KCNN2: variants seen among roughly 807,000 people sequenced by gnomAD.
KCNN2 encodes potassium calcium-activated channel subfamily N member 2.
KCNN2 carries 24 observed loss-of-function variants against 55.5 expected under a neutral mutation model. The ratio of observed to expected loss-of-function variants is 0.43; its 90% CI spans 0.31 to 0.61. The LOEUF (loss-of-function observed/expected upper bound fraction) is 0.61, where lower values mean the gene tolerates loss of function less well. Among genes scored for constraint, KCNN2 ranks in the 20% least tolerant of loss-of-function variants. The pLI is 0.08. For synonymous variants in KCNN2, 431 were observed against 336.1 expected (o/e 1.28, Z -3.09); for missense variants, 754 against 853.6 (o/e 0.88, Z 1.45).
At chr5:114,064,491 C>G (rs1231252112) in intron 1 of KCNN2, among the ~76,000 whole-genome samples, 11 of 152,182 alleles carry the variant, frequency 7.2e-5, no homozygotes, top group African/African-American at 2.7e-4. Context: ...TGTGAGACAG[C>G]ATTGAGACAT....
intron 2 of KCNN2, among the ~76,000 whole-genome samples, chr5:114,276,187 TG>T (rs1755483974): frequency 1.3e-5 from 2 of 152,362 alleles, no homozygotes; most frequent in East Asian, 3.9e-4. Flanking sequence ...CACAGTGGTC[TG>T]AGAGACAGTT....
At chr5:114,212,465 TAAAC>T (rs1339012557) in intron 1 of KCNN2, among the ~76,000 whole-genome samples, 1 of 152,078 alleles carries the variant, frequency 6.6e-6, no homozygotes, top group Non-Finnish European at 1.5e-5. Flanking sequence ...TGGCGATGGT[TAAAC>T]AATCTTGTGA....
intron 3 of KCNN2, among the ~76,000 whole-genome samples, chr5:114,408,021 G>A (rs1044363685): frequency 2.6e-5 from 4 of 152,014 alleles, no homozygotes; most frequent in East Asian, 1.9e-4. Context: ...CCTCCCTTTC[G>A]AAACTCTATG....
At chr5:114,269,876 T>C (rs1259711311) in intron 2 of KCNN2, among the ~76,000 whole-genome samples, 1 of 152,176 alleles carries the variant, frequency 6.6e-6, no homozygotes, top group African/African-American at 2.4e-5. Context: ...CATATTAATT[T>C]AATCAAGGAA....
At chr5:114,487,739 A>AATCT (rs1481441782) in intron 6 of KCNN2, among the ~76,000 whole-genome samples, 2 of 152,310 alleles carry the variant, frequency 1.3e-5, no homozygotes, top group East Asian at 3.9e-4. Context: ...TTAAAGTAAC[A>AATCT]ATCTATATCT....
At chr5:114,454,953 C>T (rs1278455874) in intron 3 of KCNN2, among the ~76,000 whole-genome samples, 1 of 152,156 alleles carries the variant, frequency 6.6e-6, no homozygotes, top group Non-Finnish European at 1.5e-5. Flanking sequence ...TTATGTAAAT[C>T]TCTCCTGTTG....
chr5:114,358,017 T>C (rs1215681440), upstream of KCNN2, among the ~76,000 whole-genome samples: 7 of 151,396 alleles, frequency 4.6e-5, no homozygotes, highest in South Asian at 4.2e-4. Context: ...TGGTATCTCA[T>C]TGTGGTTTTG....
intron 5 of KCNN2, among the ~76,000 whole-genome samples, chr5:114,480,273 A>G (rs944321416): frequency 6.6e-6 from 1 of 152,200 alleles, no homozygotes; most frequent in African/African-American, 2.4e-5. Context: ...AAATGGATAA[A>G]TTCCCGGACA....
chr5:114,360,850 G>T (rs188096864), upstream of KCNN2: 1 of 152,294 alleles, frequency 6.6e-6, no homozygotes, highest in Non-Finnish European at 1.5e-5. Context: ...CCCGCGCCAG[G>T]CCCCTTTCCC....
intron 3 of KCNN2, among the ~76,000 whole-genome samples, chr5:114,430,003 T>G (rs1212569444): frequency 6.6e-6 from 1 of 151,986 alleles, no homozygotes; most frequent in Non-Finnish European, 1.5e-5. Context: ...TTTTTCACTA[T>G]TAACACACTG....
At chr5:114,098,534 G>T (rs1751309200) in intron 1 of KCNN2, among the ~76,000 whole-genome samples, 1 of 152,038 alleles carries the variant, frequency 6.6e-6, no homozygotes, top group South Asian at 2.1e-4. Flanking sequence ...TGGGTTGCAA[G>T]CTCCAGCTAA....
At chr5:114,283,926 C>A (rs192668613) in intron 2 of KCNN2, among the ~76,000 whole-genome samples, 1 of 152,168 alleles carries the variant, frequency 6.6e-6, no homozygotes, top group Non-Finnish European at 1.5e-5. Context: ...GTCCTTCCAG[C>A]TCCTGAAATT....
At chr5:114,396,509 A>C (rs1758622680) in intron 2 of KCNN2, among the ~76,000 whole-genome samples, 1 of 151,402 alleles carries the variant, frequency 6.6e-6, no homozygotes, top group Admixed American at 6.6e-5. Flanking sequence ...GGATTATATC[A>C]TGTATGTAAT....
chr5:114,309,010 A>G (rs1408197809), intron 2 of KCNN2, among the ~76,000 whole-genome samples: 1 of 152,204 alleles, frequency 6.6e-6, no homozygotes, highest in Non-Finnish European at 1.5e-5. Flanking sequence ...TTATTAAAGA[A>G]ATTGGAATGT....
chr5:114,248,305 A>G (rs1174005414), intron 2 of KCNN2, among the ~76,000 whole-genome samples: 1 of 152,070 alleles, frequency 6.6e-6, no homozygotes, highest in African/African-American at 2.4e-5. Flanking sequence ...TGGTACCTAT[A>G]GTACATCTTT....
At chr5:114,449,492 C>T (rs150944926) in intron 3 of KCNN2, among the ~76,000 whole-genome samples, 143 of 152,230 alleles carry the variant, frequency 9.4e-4, no homozygotes, top group African/African-American at 3.3e-3. Flanking sequence ...ACTTGGGTAG[C>T]GTTTTGTTAT....
At position 114,202,585 on chromosome 5, in the gene KCNN2, A is replaced by ATTTTTTTTTT. The variant is rs34199170; in HGVS notation, c.-270-18888_-270-18879dup. ...TGTGTGTGTATATATATATATATAT[A>ATTTTTTTTTT]TTTTTTTTTTTTTTTTCCCGAGACA... On this transcript the variant is annotated intron_variant, in intron 1 of 10. Coordinates refer to the KCNN2 transcript ENST00000512097. Among the ~76,000 whole-genome samples the ATTTTTTTTTT allele has an allele frequency of 3.3e-5, 3 of 92,152 alleles. 1 individual carries two copies. The highest frequency in any genetic ancestry group is 1.3e-4 in the African/African-American group (3 of 23,270). 60.5% of individuals were successfully genotyped at this position (92,152 alleles called of 152,430 possible).
intron 1 of KCNN2, among the ~76,000 whole-genome samples, chr5:114,135,480 G>A (rs972124784): frequency 3.3e-5 from 5 of 152,238 alleles, no homozygotes; most frequent in Admixed American, 2.0e-4. Context: ...TTTCCCACTG[G>A]ATTCCCAGAA....
chr5:114,317,371 C>A (rs1580717525), intron 2 of KCNN2, among the ~76,000 whole-genome samples: 1 of 152,094 alleles, frequency 6.6e-6, no homozygotes, highest in Non-Finnish European at 1.5e-5. Context: ...GTTTAGGCAA[C>A]CCCTCACAAG....
Sources: allele counts gnomAD v4.1 joint callset (sites outside exome capture counted in the v4.1 genomes callset), GRCh38; gene constraint gnomAD v4.1.1; transcripts MANE v1.5; gene names NCBI Gene and HGNC (gene_info 2026-07-23, HGNC 2026-07-21).